The following MAF variants were observed in gnomAD, a reference collection of about 807,000 sequenced individuals.
The protein encoded by MAF is transcription factor Maf.
In MAF, 10 loss-of-function variants were observed where a neutral mutation model predicts 22.0. The ratio of observed to expected loss-of-function variants is 0.45; its 90% CI spans 0.28 to 0.77. MAF has a LOEUF of 0.77. MAF is among the 30% of genes least tolerant of loss of function. The pLI, the probability that MAF is intolerant of heterozygous loss-of-function variation, is 0.12. For missense variants in MAF, 544 were observed against 548.4 expected, an observed-to-expected ratio of 0.99 and a Z score of 0.08; for synonymous variants, 337 against 255.8, an observed-to-expected ratio of 1.32 and a Z score of -3.03.
the MAF span, among the ~76,000 whole-genome samples, chr16:79,463,385 C>T: frequency 2.0e-5 from 3 of 152,288 alleles, no homozygotes; most frequent in African/African-American, 7.2e-5. Context: ...TACCTTGATG[C>T]CCTGAAAGTT....
At chr16:79,452,255 C>A in the MAF span, among the ~76,000 whole-genome samples, 1 of 152,194 alleles carries the variant, frequency 6.6e-6, no homozygotes, top group African/African-American at 2.4e-5. Flanking sequence ...GTATATAAAA[C>A]AAGCTATTAA....
At chr16:79,529,721 G>A in the MAF span, among the ~76,000 whole-genome samples, 3 of 152,186 alleles carry the variant, frequency 2.0e-5, no homozygotes, top group African/African-American at 7.2e-5. Flanking sequence ...AGTACTTTGG[G>A]AGGCCGAGGC....
At chr16:79,227,187 C>T in the MAF span, among the ~76,000 whole-genome samples, 7 of 152,018 alleles carry the variant, frequency 4.6e-5, no homozygotes, top group East Asian at 1.9e-4. Context: ...TCTCAAATCC[C>T]GTCTCTACAA....
At chr16:79,249,267 A>G in the MAF span, among the ~76,000 whole-genome samples, 1 of 152,078 alleles carries the variant, frequency 6.6e-6, no homozygotes. Flanking sequence ...TAAAAATACA[A>G]AAGTAGCCGG....
At chr16:79,254,864 C>T in the MAF span, among the ~76,000 whole-genome samples, 1 of 152,190 alleles carries the variant, frequency 6.6e-6, no homozygotes, top group Non-Finnish European at 1.5e-5. Flanking sequence ...TTTTGCCTGA[C>T]CTTTCTGAGT....
chr16:79,464,921 A>C, the MAF span, among the ~76,000 whole-genome samples: 1 of 152,248 alleles, frequency 6.6e-6, no homozygotes, highest in Non-Finnish European at 1.5e-5. Flanking sequence ...AAGTTCAAGG[A>C]GATGATACAG....
the MAF span, among the ~76,000 whole-genome samples, chr16:79,409,205 C>A: frequency 6.6e-6 from 1 of 152,094 alleles, no homozygotes; most frequent in Admixed American, 6.5e-5. Context: ...TAGGGATCCA[C>A]TTCAAATAGA....
chr16:79,404,275 T>C, the MAF span, among the ~76,000 whole-genome samples: 1 of 150,780 alleles, frequency 6.6e-6, no homozygotes, highest in African/African-American at 2.4e-5. Flanking sequence ...GCAATTCTCC[T>C]GCCTCAGCCT....
chr16:79,372,735 G>A, the MAF span, among the ~76,000 whole-genome samples: 334 of 152,280 alleles, frequency 2.2e-3, 1 homozygote, highest in Non-Finnish European at 2.6e-3. Context: ...AGCAGGTTCT[G>A]TGATACTTTA....
At chr16:79,312,026 T>C in the MAF span, among the ~76,000 whole-genome samples, 1 of 152,146 alleles carries the variant, frequency 6.6e-6, no homozygotes, top group African/African-American at 2.4e-5. Flanking sequence ...CTTGAGTAGC[T>C]TGCAAAACTC....
chr16:79,445,168 G>C, the MAF span, among the ~76,000 whole-genome samples: 3 of 151,726 alleles, frequency 2.0e-5, no homozygotes, highest in African/African-American at 7.3e-5. Context: ...TGAGCAGCTG[G>C]AACTACAGGC....
chr16:79,275,346 CA>C, the MAF span, among the ~76,000 whole-genome samples: 2 of 151,696 alleles, frequency 1.3e-5, no homozygotes, highest in African/African-American at 4.8e-5. Context: ...AATCCATCTC[CA>C]AAAAAAGAGA....
At chr16:79,345,602 C>T in the MAF span, among the ~76,000 whole-genome samples, 1 of 151,822 alleles carries the variant, frequency 6.6e-6, no homozygotes, top group East Asian at 1.9e-4. Flanking sequence ...GTGGTGGGCA[C>T]CTGTAATCCC....
At chr16:79,407,578 C>T in the MAF span, among the ~76,000 whole-genome samples, 13 of 152,170 alleles carry the variant, frequency 8.5e-5, no homozygotes, top group African/African-American at 2.7e-4. Context: ...TTCCTAACAT[C>T]ATGGCCATGG....
the MAF span, among the ~76,000 whole-genome samples, chr16:79,409,884 T>C: frequency 2.7e-4 from 41 of 152,352 alleles, no homozygotes; most frequent in African/African-American, 9.9e-4. Context: ...CCTTGAAGTT[T>C]GGCTAGTACG....
the MAF span, among the ~76,000 whole-genome samples, chr16:79,253,314 G>A: frequency 9.9e-5 from 15 of 152,136 alleles, no homozygotes; most frequent in Non-Finnish European, 2.2e-4. Context: ...CCTGTTATTG[G>A]CTGAGCTCCC....
At chr16:79,369,768 G>T in the MAF span, among the ~76,000 whole-genome samples, 3 of 152,214 alleles carry the variant, frequency 2.0e-5, no homozygotes, top group Non-Finnish European at 4.4e-5. Context: ...CTCCATGATG[G>T]GTTCAAGGCT....
At chr16:79,513,890 C>G in the MAF span, among the ~76,000 whole-genome samples, 7 of 152,288 alleles carry the variant, frequency 4.6e-5, no homozygotes, top group South Asian at 2.1e-4. Flanking sequence ...AAACTCCAGT[C>G]TTTTCGGCAC....
the MAF span, among the ~76,000 whole-genome samples, chr16:79,336,777 T>G: frequency 3.9e-5 from 6 of 152,218 alleles, no homozygotes; most frequent in African/African-American, 1.2e-4. Flanking sequence ...TCTTCTGTAA[T>G]TTGGTGAGGA....
Sources: allele counts gnomAD v4.1 joint callset (sites outside exome capture counted in the v4.1 genomes callset), GRCh38; gene constraint gnomAD v4.1.1; transcripts MANE v1.5; gene names NCBI Gene and HGNC (gene_info 2026-07-23, HGNC 2026-07-21).